Variants in GRB10 observed in about 807,000 individuals in gnomAD.
GRB10 encodes growth factor receptor-bound protein 10.
A neutral mutation model predicts 80.9 loss-of-function variants in GRB10; 20 were observed. The observed-to-expected ratio is 0.25, with a 90% CI of 0.17 to 0.36. The LOEUF (loss-of-function observed/expected upper bound fraction) is 0.36, where lower values mean the gene tolerates loss of function less well. Ranked by LOEUF, GRB10 falls within the 10% of genes least tolerant of loss-of-function variation. GRB10 has a pLI of 1.00. For synonymous variants in GRB10, 291 were observed against 291.5 expected (o/e 1.00, Z 0.02); for missense variants, 548 against 747.7 (o/e 0.73, Z 3.12).
chr7:50,718,081 G>T (rs530740298), intron 4 of GRB10, among the ~76,000 whole-genome samples: 1 of 152,206 alleles, frequency 6.6e-6, no homozygotes, highest in Non-Finnish European at 1.5e-5. Flanking sequence ...CACTGACTAA[G>T]TGCCAGGACA....
At chr7:50,645,857 G>A (rs2057102866) in intron 7 of GRB10, among the ~76,000 whole-genome samples, 1 of 152,204 alleles carries the variant, frequency 6.6e-6, no homozygotes, top group South Asian at 2.1e-4. Flanking sequence ...AGAAGAATTG[G>A]TCCAAAGCCA....
chr7:50,758,865 T>C (rs2075408648), intron 2 of GRB10, among the ~76,000 whole-genome samples: 1 of 152,112 alleles, frequency 6.6e-6, no homozygotes, highest in Non-Finnish European at 1.5e-5. Context: ...CCAGGACCTG[T>C]GGACAGCTTA....
chr7:50,750,637 C>T (rs536974869), intron 3 of GRB10, among the ~76,000 whole-genome samples: 2 of 152,172 alleles, frequency 1.3e-5, no homozygotes, highest in Non-Finnish European at 2.9e-5. Context: ...ATGAGTATCA[C>T]GCTTAGGTTT....
rs139886318 is a variant in GRB10 at position 50,598,207 on chromosome 7, G to A, written c.1545-2677C>T. On this transcript the variant is annotated intron_variant, in intron 17 of 18. Transcript: ENST00000401949. ...CAGGACCATTGAGAAGACCATGGCT[G>A]ATGTATATACAGCTTTGTGCATGAT... Among the ~76,000 whole-genome samples, 261 of 152,336 alleles carry A rather than the reference G, an allele frequency of 1.7e-3. 3 individuals are homozygous for A. Among genetic ancestry groups the A allele is most frequent in the African/African-American group, 6.0e-3 (248 of 41,566 alleles).
chr7:50,648,902 A>T (rs907674825), intron 7 of GRB10, among the ~76,000 whole-genome samples: 3 of 152,122 alleles, frequency 2.0e-5, no homozygotes, highest in African/African-American at 7.2e-5. Flanking sequence ...GACCTACTCA[A>T]TGTGGTCGGG....
intron 5 of GRB10, among the ~76,000 whole-genome samples, chr7:50,686,699 C>G (rs1267906877): frequency 6.6e-6 from 1 of 152,126 alleles, no homozygotes; most frequent in Non-Finnish European, 1.5e-5. Flanking sequence ...CTGCAAGGTA[C>G]CAGATACTAT....
rs1046778963 is a variant in GRB10 at position 50,606,681 on chromosome 7, A to G, written c.1195-267T>C. The stretch of plus-strand genomic sequence containing the variant: ...CTACTGTTGACCAGAAGCCTTAATG[A>G]TAACATAAACAGTTAATTAACATAT... On this transcript the variant is annotated intron_variant, in intron 13 of 18. Transcript: ENST00000401949. 8.0e-6 allele frequency: 4 copies of G among 499,744 alleles called. No homozygotes were observed. In the Admixed American group the frequency reaches 1.3e-4, roughly 16 times the overall value. The allele number at this position is 499,744 out of a possible 1,614,324, so 31.0% of individuals were successfully genotyped here.
At chr7:50,740,183 C>G (rs994242672) in intron 3 of GRB10, among the ~76,000 whole-genome samples, 3 of 152,228 alleles carry the variant, frequency 2.0e-5, no homozygotes, top group African/African-American at 7.2e-5. Flanking sequence ...ACACTGGCCC[C>G]CACTTGCCAG....
At position 50,739,398 on chromosome 7, in the gene GRB10, T is replaced by C. The variant is rs563611362; in HGVS notation, c.-46-7030A>G. Among the ~76,000 whole-genome samples the C allele has an allele frequency of 1.4e-4, 21 of 152,292 alleles. 1 individual carries two copies. Among genetic ancestry groups the C allele is most frequent in the East Asian group, 3.9e-4 (2 of 5,176 alleles). On this transcript the variant is annotated intron_variant, in intron 3 of 18. Transcript: ENST00000401949. ...TTATGTTTATGGTGGATTTAAACTG[T>C]AGAGCGTTTACCCTCCCTTCTGAAA...
intron 4 of GRB10, among the ~76,000 whole-genome samples, chr7:50,719,763 C>T (rs2067426739): frequency 6.6e-6 from 1 of 152,072 alleles, no homozygotes. Context: ...GAAATAAATG[C>T]TACAACCAGC....
intron 2 of GRB10, among the ~76,000 whole-genome samples, chr7:50,776,868 T>C (rs970226260): frequency 5.9e-5 from 9 of 152,256 alleles, no homozygotes; most frequent in African/African-American, 2.2e-4. Context: ...ACTGGTTATC[T>C]CTACGGCTCT....
intron 4 of GRB10, among the ~76,000 whole-genome samples, chr7:50,720,340 A>G (rs996420718): frequency 6.6e-6 from 1 of 152,234 alleles, no homozygotes; most frequent in Non-Finnish European, 1.5e-5. Flanking sequence ...CTTGAAACAC[A>G]CATAAATATT....
chr7:50,693,975 A>G (rs1359854500), intron 5 of GRB10, among the ~76,000 whole-genome samples: 1 of 151,564 alleles, frequency 6.6e-6, no homozygotes, highest in Non-Finnish European at 1.5e-5. Context: ...AGACAAAAAA[A>G]GCTGGGCAGA....
upstream of GRB10, among the ~76,000 whole-genome samples, chr7:50,787,167 G>C (rs1181602535): frequency 6.6e-6 from 1 of 152,212 alleles, no homozygotes; most frequent in Non-Finnish European, 1.5e-5. Context: ...ACGATGAAGA[G>C]ACAAGAGTGA....
chr7:50,682,400 A>C (rs973376053), intron 5 of GRB10, among the ~76,000 whole-genome samples: 7 of 152,246 alleles, frequency 4.6e-5, no homozygotes, highest in African/African-American at 1.7e-4. Flanking sequence ...AAAAGTCATT[A>C]ACGTGCCCTC....
At chr7:50,632,320 C>A (rs969599931) in intron 7 of GRB10, among the ~76,000 whole-genome samples, 1 of 152,172 alleles carries the variant, frequency 6.6e-6, no homozygotes, top group Admixed American at 6.5e-5. Context: ...CCTGCATTGT[C>A]CCACCTGAAG....
intron 2 of GRB10, chr7:50,761,738 T>C (rs968733974): frequency 2.0e-5 from 3 of 152,220 alleles, no homozygotes; most frequent in African/African-American, 7.2e-5. Context: ...CATTTCAAAT[T>C]GTAACCCCCA....
intron 5 of GRB10, among the ~76,000 whole-genome samples, chr7:50,678,600 G>A (rs1563409901): frequency 1.3e-5 from 2 of 152,158 alleles, no homozygotes; most frequent in African/African-American, 4.8e-5. Context: ...AAGAGCGACA[G>A]TTAAATCTTC....
chr7:50,752,957 A>C (rs1043382791), intron 3 of GRB10, among the ~76,000 whole-genome samples: 3 of 152,236 alleles, frequency 2.0e-5, no homozygotes, highest in Admixed American at 1.3e-4. Flanking sequence ...AGAGCTAACG[A>C]ATAGAAACTG....
Sources: gnomAD v4.1 joint callset for allele counts (sites outside exome capture counted in the v4.1 genomes callset) on GRCh38, gnomAD v4.1.1 for gene constraint, MANE v1.5 for transcripts, NCBI Gene and HGNC (gene_info 2026-07-23, HGNC 2026-07-21) for gene names.